PCTP: variants seen among roughly 807,000 people sequenced by gnomAD.
PCTP encodes the protein START domain-containing protein 2.
In PCTP, 27 loss-of-function variants were observed where a neutral mutation model predicts 31.0. That is an observed-to-expected ratio of 0.87 (90% confidence interval 0.64 to 1.20). The LOEUF (loss-of-function observed/expected upper bound fraction) is 1.20, where lower values mean the gene tolerates loss of function less well. Ranked by LOEUF, PCTP falls within the 50% of genes most tolerant of loss-of-function variation. The pLI, the probability that PCTP is intolerant of heterozygous loss-of-function variation, is 0.00. For synonymous variants in PCTP, 108 were observed against 101.2 expected (o/e 1.07, Z -0.40); for missense variants, 287 against 268.2 (o/e 1.07, Z -0.49).
At chr17:55,831,701 A>G (rs1233820188) in intron 5 of PCTP, among the ~76,000 whole-genome samples, 1 of 152,166 alleles carries the variant, frequency 6.6e-6, no homozygotes. Context: ...TAAACCCTGT[A>G]TTTCCCAAAT....
At chr17:55,846,890 C>G (rs1906163426), downstream of PCTP, among the ~76,000 whole-genome samples, 1 of 152,134 alleles carries the variant, frequency 6.6e-6, no homozygotes, top group Non-Finnish European at 1.5e-5. Flanking sequence ...TCATTTTTCC[C>G]ACTCTTGACA....
chr17:55,761,222 A>G (rs1910324930), intron 1 of PCTP, among the ~76,000 whole-genome samples: 1 of 152,170 alleles, frequency 6.6e-6, no homozygotes, highest in African/African-American at 2.4e-5. Flanking sequence ...TAGCTGTTAC[A>G]TGAGAGAATG....
chr17:55,833,766 T>C (rs564188305), intron 5 of PCTP, among the ~76,000 whole-genome samples: 1 of 152,322 alleles, frequency 6.6e-6, no homozygotes, highest in South Asian at 2.1e-4. Flanking sequence ...TTAGAAGCAA[T>C]TGGAATATTC....
chr17:55,767,593 TAGCTGG>T, intron 2 of PCTP, 141 bp downstream of exon 2: 1 of 492,348 alleles, frequency 2.0e-6, no homozygotes, highest in Non-Finnish European at 3.6e-6. Context: ...GCCTCCTGAG[TAGCTGG>T]GACTACAGGC....
intron 2 of PCTP, chr17:55,770,396 T>A (rs1260627892): frequency 1.3e-5 from 2 of 152,208 alleles, no homozygotes; most frequent in East Asian, 1.9e-4. Context: ...CTGTAATGGA[T>A]CAAGGAATCC....
chr17:55,751,170 C>G lies in PCTP; in HGVS notation c.67C>G (p.Pro23Ala). ...GGAGGCCTGCGCCGAGCTCCAGCAG[C>G]CCGCTCTGGCCGGGGCCGACTGGCA... ...FWEACAELQQ[P>A]ALAGADWQLL... is the part of the protein sequence containing the mutation. Residue 23 changes from proline to alanine, a missense_variant, in exon 1 of 6, where the codon CCC becomes GCC. Transcript: ENST00000268896. 6.5e-7 allele frequency: 1 copy of G among 1,548,582 alleles called. No individual in the cohort carries two copies. The highest frequency in any genetic ancestry group is 8.7e-7 in the Non-Finnish European group (1 of 1,146,180).
intron 3 of PCTP, among the ~76,000 whole-genome samples, chr17:55,794,960 C>G (rs1289327719): frequency 6.6e-6 from 1 of 151,956 alleles, no homozygotes; most frequent in East Asian, 1.9e-4. Flanking sequence ...ACACACAGAC[C>G]CCTTATTGTG....
intron 1 of PCTP, among the ~76,000 whole-genome samples, chr17:55,753,642 T>G (rs1456082915): frequency 6.6e-6 from 1 of 152,170 alleles, no homozygotes; most frequent in African/African-American, 2.4e-5. Flanking sequence ...TGCTGCCTGG[T>G]GGGTACACTG....
chr17:55,789,905 TA>T (rs1173385979), intron 3 of PCTP, among the ~76,000 whole-genome samples: 4 of 152,156 alleles, frequency 2.6e-5, no homozygotes, highest in African/African-American at 9.6e-5. Flanking sequence ...AAATCCTCAA[TA>T]AAATACTGGC....
intron 5 of PCTP, among the ~76,000 whole-genome samples, chr17:55,839,413 C>T (rs1905883968): frequency 6.6e-6 from 1 of 152,214 alleles, no homozygotes; most frequent in Admixed American, 6.5e-5. Context: ...CCACGTTTCT[C>T]AACCCTGCAC....
chr17:55,807,685 A>G (rs1247191529), intron 3 of PCTP, among the ~76,000 whole-genome samples: 1 of 152,204 alleles, frequency 6.6e-6, no homozygotes, highest in Admixed American at 6.5e-5. Context: ...TATAAGTGCC[A>G]ACACCATGGT....
At chr17:55,852,236 G>A in the PCTP span, among the ~76,000 whole-genome samples, 3 of 152,140 alleles carry the variant, frequency 2.0e-5, no homozygotes, top group Non-Finnish European at 1.5e-5. Flanking sequence ...TAAGACAAGA[G>A]TATGTCTTCT....
At chr17:55,815,277 G>A (rs577585037) in intron 3 of PCTP, among the ~76,000 whole-genome samples, 1 of 152,128 alleles carries the variant, frequency 6.6e-6, no homozygotes, top group South Asian at 2.1e-4. Context: ...GGAAATTTGG[G>A]GAAATAATCC....
intron 5 of PCTP, among the ~76,000 whole-genome samples, chr17:55,836,481 ATCTATCTCTT>A (rs1412073062): frequency 6.6e-6 from 1 of 152,140 alleles, no homozygotes; most frequent in Non-Finnish European, 1.5e-5. Context: ...TCCTTGCCTT[ATCTATCTCTT>A]TGAAGCACTT....
rs1445457295 is a variant in PCTP, at chr17:55,791,174, A to T, written c.317+3520A>T. The stretch of plus-strand genomic sequence containing the variant: ...TCAATTCAAGATGGATTAAAGACGT[A>T]AACGTTAGACCTAAAACCATAAAAA... On this transcript the variant is annotated intron_variant, in intron 3 of 3. Coordinates refer to the PCTP transcript ENST00000572536. Among the ~76,000 whole-genome samples, 3 of 152,014 alleles carry T rather than the reference A, an allele frequency of 2.0e-5. No individual in the cohort carries two copies. The South Asian group carries it at 6.2e-4, about 31-fold the overall frequency.
intron 3 of PCTP, among the ~76,000 whole-genome samples, chr17:55,811,878 C>T (rs1912764312): frequency 6.6e-6 from 1 of 152,194 alleles, no homozygotes; most frequent in Non-Finnish European, 1.5e-5. Flanking sequence ...ATGCCTTCTC[C>T]TTTAGTTGAA....
At chr17:55,795,743 T>G (rs902592104) in intron 3 of PCTP, among the ~76,000 whole-genome samples, 12 of 152,054 alleles carry the variant, frequency 7.9e-5, no homozygotes, top group Admixed American at 5.9e-4. Flanking sequence ...GTTGAATTAG[T>G]GACTAAAGGG....
In PCTP at chr17:55,800,184, A is replaced by G. The variant is rs146569427; in HGVS notation, c.317+12530A>G. On this transcript the variant is annotated intron_variant, in intron 3 of 3. Transcript: ENST00000572536. ...GCAGAGTGTTTTCCAACTTGGTTCC[A>G]TTCTCCCCATCACTTTCAGGTACAC... is the stretch of plus-strand genomic sequence containing the variant. 3.0e-3 allele frequency among the ~76,000 whole-genome samples: 454 copies of G among 152,130 alleles called. 1 individual carries two copies. The highest frequency in any genetic ancestry group is 0.011 in the African/African-American group (441 of 41,496).
intron 3 of PCTP, among the ~76,000 whole-genome samples, chr17:55,817,728 A>G (rs1228945555): frequency 6.6e-6 from 1 of 152,238 alleles, no homozygotes; most frequent in Non-Finnish European, 1.5e-5. Flanking sequence ...TAGAATTCAG[A>G]TTCCTCAGTT....
Sources: gnomAD v4.1 joint callset for allele counts (sites outside exome capture counted in the v4.1 genomes callset) on GRCh38, gnomAD v4.1.1 for gene constraint, MANE v1.5 for transcripts, NCBI Gene and HGNC (gene_info 2026-07-23, HGNC 2026-07-21) for gene names.